DTNBP1: variants seen among roughly 807,000 people sequenced by gnomAD.
DTNBP1 encodes the protein dystrobrevin binding protein 1.
A neutral mutation model predicts 42.8 loss-of-function variants in DTNBP1; 35 were observed. That is an observed-to-expected ratio of 0.82 (90% CI 0.63 to 1.09). The LOEUF is 1.09. Among genes scored for constraint, DTNBP1 ranks in the 50% least tolerant of loss-of-function variants. The pLI, the probability that DTNBP1 is intolerant of heterozygous loss-of-function variation, is 0.00. For missense variants in DTNBP1, 457 were observed against 424.2 expected, an observed-to-expected ratio of 1.08 and a Z score of -0.68; for synonymous variants, 171 against 162.2, an observed-to-expected ratio of 1.05 and a Z score of -0.41.
At chr6:15,527,036 A>T (rs1026274865) in intron 8 of DTNBP1, among the ~76,000 whole-genome samples, 18 of 152,228 alleles carry the variant, frequency 1.2e-4, no homozygotes, top group Admixed American at 1.1e-3. Flanking sequence ...AATGTTTCTT[A>T]AAAAATGAAA....
chr6:15,548,557 A>G (rs1445482942), intron 7 of DTNBP1, among the ~76,000 whole-genome samples: 1 of 152,158 alleles, frequency 6.6e-6, no homozygotes, highest in Non-Finnish European at 1.5e-5. Context: ...TCTTAAGAAC[A>G]CAAAAACCAA....
At chr6:15,654,254 T>C (rs1390435917) in intron 1 of DTNBP1, among the ~76,000 whole-genome samples, 1 of 152,194 alleles carries the variant, frequency 6.6e-6, no homozygotes, top group East Asian at 1.9e-4. Context: ...AACTAGTAAA[T>C]CTGGTTTAAA....
chr6:15,580,037 G>A (rs969100002), intron 7 of DTNBP1, among the ~76,000 whole-genome samples: 6 of 151,984 alleles, frequency 3.9e-5, no homozygotes, highest in African/African-American at 9.7e-5. Context: ...TAATAACCAC[G>A]CAAAATTAAA....
chr6:15,571,148 G>C (rs1326040549), intron 7 of DTNBP1, among the ~76,000 whole-genome samples: 2 of 152,212 alleles, frequency 1.3e-5, no homozygotes, highest in Non-Finnish European at 1.5e-5. Flanking sequence ...GGCACAGGCA[G>C]AGGTCCAGAA....
chr6:15,524,292 A>G lies in DTNBP1; in HGVS notation c.811+234T>C, dbSNP rs150714047. On this transcript the variant is annotated intron_variant, in intron 9 of 9. Coordinates refer to ENST00000344537, the MANE Select transcript of DTNBP1 (RefSeq NM_032122.5). The stretch of plus-strand genomic sequence containing the variant: ...CAAACAAGAAAGCTCTCAACTCACC[A>G]AAGTTACCGGAGTGGAGCATGTCAA... 2.4e-5 allele frequency: 39 copies of G among 1,609,556 alleles called. No homozygotes were observed. The East Asian group carries it at 8.3e-4, about 34-fold the overall frequency.
intron 7 of DTNBP1, chr6:15,585,952 T>G: frequency 7.5e-7 from 1 of 1,338,892 alleles, no homozygotes; most frequent in Non-Finnish European, 9.6e-7. Flanking sequence ...TAAGCAGATA[T>G]ACATTGGAAT....
chr6:15,559,196 G>C (rs1210356410), intron 7 of DTNBP1, among the ~76,000 whole-genome samples: 1 of 152,190 alleles, frequency 6.6e-6, no homozygotes, highest in East Asian at 1.9e-4. Flanking sequence ...CCAGCCATCA[G>C]AAGTTGACAA....
At chr6:15,619,280 T>G (rs1264160951) in intron 5 of DTNBP1, among the ~76,000 whole-genome samples, 1 of 152,212 alleles carries the variant, frequency 6.6e-6, no homozygotes, top group Non-Finnish European at 1.5e-5. Context: ...CTTGATTTAT[T>G]ACACACTGTG....
At chr6:15,558,237 T>C (rs570893822) in intron 7 of DTNBP1, among the ~76,000 whole-genome samples, 7 of 152,022 alleles carry the variant, frequency 4.6e-5, no homozygotes, top group African/African-American at 1.7e-4. Context: ...CTTCAAAGGA[T>C]GGTTTATAAT....
chr6:15,555,418 T>C (rs572100350), intron 7 of DTNBP1, among the ~76,000 whole-genome samples: 14 of 151,856 alleles, frequency 9.2e-5, no homozygotes, highest in Admixed American at 2.0e-4. Flanking sequence ...CAGGATGAGA[T>C]AGGAAGTCAG....
chr6:15,606,725 A>C (rs1344592171), intron 6 of DTNBP1, among the ~76,000 whole-genome samples: 1 of 152,234 alleles, frequency 6.6e-6, no homozygotes, highest in Non-Finnish European at 1.5e-5. Flanking sequence ...ATGCATGCAC[A>C]TAAGCATATC....
intron 9 of DTNBP1, chr6:15,523,556 A>C: frequency 8.1e-7 from 1 of 1,234,630 alleles, no homozygotes; most frequent in South Asian, 1.4e-5. Context: ...TTGATAATCT[A>C]GATTTCTTTT....
intron 6 of DTNBP1, among the ~76,000 whole-genome samples, chr6:15,609,104 T>C (rs993534120): frequency 6.6e-6 from 1 of 152,114 alleles, no homozygotes; most frequent in East Asian, 1.9e-4. Context: ...CTCAGACTTT[T>C]TGTTCTCTTA....
chr6:15,566,717 T>C lies in DTNBP1; in HGVS notation c.511+26342A>G, dbSNP rs75748882. Among the ~76,000 whole-genome samples the C allele has an allele frequency of 4.7e-3, 709 of 151,382 alleles. 2 individuals carry two copies. Among genetic ancestry groups the C allele is most frequent in the Non-Finnish European group, 7.6e-3 (517 of 67,788 alleles). ...ATGAATCTCCTTTTTTTTTTTTTTT[T>C]TTTGAGACCGTCTCTCTCTATCGTT... On this transcript the variant is annotated intron_variant, in intron 7 of 9. Transcript: ENST00000344537.
chr6:15,639,981 C>A (rs1050923856), intron 3 of DTNBP1, among the ~76,000 whole-genome samples: 8 of 152,192 alleles, frequency 5.3e-5, no homozygotes, highest in Admixed American at 3.9e-4. Context: ...ATCCACCTTG[C>A]CATTATACAT....
At chr6:15,645,417 T>C (rs551856170) in intron 3 of DTNBP1, among the ~76,000 whole-genome samples, 15 of 151,958 alleles carry the variant, frequency 9.9e-5, no homozygotes, top group Non-Finnish European at 1.9e-4. Context: ...AGAGAGGAGA[T>C]TTCTCCTTCA....
intron 6 of DTNBP1, among the ~76,000 whole-genome samples, chr6:15,603,089 A>G (rs1384976533): frequency 6.6e-6 from 1 of 152,234 alleles, no homozygotes; most frequent in Admixed American, 6.5e-5. Context: ...AACTGCCAAG[A>G]TTTATTCTCT....
At chr6:15,539,404 C>A (rs1365867281) in intron 7 of DTNBP1, among the ~76,000 whole-genome samples, 1 of 152,240 alleles carries the variant, frequency 6.6e-6, no homozygotes, top group Non-Finnish European at 1.5e-5. Context: ...GTCCTACACT[C>A]CTAGCGCCTC....
chr6:15,625,272 T>G (rs1478902797), intron 5 of DTNBP1, among the ~76,000 whole-genome samples: 1 of 152,160 alleles, frequency 6.6e-6, no homozygotes, highest in Non-Finnish European at 1.5e-5. Context: ...CAGACATACC[T>G]TCTAAAAAAA....
Sources: gnomAD v4.1 joint callset for allele counts (sites outside exome capture counted in the v4.1 genomes callset) on GRCh38, gnomAD v4.1.1 for gene constraint, MANE v1.5 for transcripts, NCBI Gene and HGNC (gene_info 2026-07-23, HGNC 2026-07-21) for gene names.